The following MTHFD2L variants were observed in gnomAD, a reference collection of about 807,000 sequenced individuals.
The protein encoded by MTHFD2L is bifunctional methylenetetrahydrofolate dehydrogenase/cyclohydrolase 2, mitochondrial.
MTHFD2L carries 29 observed loss-of-function variants against 34.9 expected under a neutral mutation model. The observed-to-expected ratio is 0.83, with a 90% confidence interval of 0.62 to 1.13. MTHFD2L has a LOEUF of 1.13. Among genes scored for constraint, MTHFD2L ranks in the 50% most tolerant of loss-of-function variants. The probability of loss-of-function intolerance (pLI) is 0.00; values close to 1 mark genes in which losing one functional copy is unlikely to be tolerated. For missense variants in MTHFD2L, 481 were observed against 446.5 expected, an observed-to-expected ratio of 1.08 and a Z score of -0.70; for synonymous variants, 167 against 155.7, an observed-to-expected ratio of 1.07 and a Z score of -0.54.
In MTHFD2L at chr4:74,243,462, C is replaced by T. The variant is rs182740487; in HGVS notation, c.805+18068C>T. On this transcript the variant is annotated intron_variant, in intron 6 of 7. Transcript: ENST00000325278. ...ACCTATTTGAGGCAAAGTCTTGAAG[C>T]TTTCTTAAATCCACATTTCTGGACT... is the stretch of plus-strand genomic sequence containing the variant. Among the ~76,000 whole-genome samples the T allele has an allele frequency of 1.4e-3, 207 of 152,150 alleles. 1 individual carries two copies. Among genetic ancestry groups the T allele is most frequent in the African/African-American group, 4.8e-3 (198 of 41,514 alleles).
chr4:74,118,227 C>T (rs749173110), intron 2 of MTHFD2L, among the ~76,000 whole-genome samples: 1 of 152,108 alleles, frequency 6.6e-6, no homozygotes, highest in African/African-American at 2.4e-5. Flanking sequence ...TAAAAGTTTG[C>T]TTTTCTTGTC....
chr4:74,211,878 A>G (rs986678492), intron 5 of MTHFD2L, among the ~76,000 whole-genome samples: 5 of 151,642 alleles, frequency 3.3e-5, no homozygotes, highest in Non-Finnish European at 4.4e-5. Flanking sequence ...TTATTGGTCT[A>G]TTGAGGGATT....
chr4:74,131,048 TC>T (rs1308147646), intron 1 of MTHFD2L, among the ~76,000 whole-genome samples: 1 of 152,072 alleles, frequency 6.6e-6, no homozygotes, highest in Non-Finnish European at 1.5e-5. Context: ...GAAGGACCCT[TC>T]AAGAAGAACT....
intron 7 of MTHFD2L, chr4:74,293,662 C>A: frequency 4.5e-6 from 1 of 224,310 alleles, no homozygotes; most frequent in Non-Finnish European, 7.4e-6. Context: ...CCCTCTGCTC[C>A]CTGGTTCACC....
chr4:74,266,596 G>C (rs1050469335), intron 6 of MTHFD2L, among the ~76,000 whole-genome samples: 8 of 152,116 alleles, frequency 5.3e-5, no homozygotes, highest in African/African-American at 1.9e-4. Flanking sequence ...ACATCTCCCT[G>C]GGAACCTCTG....
At position 74,235,586 on chromosome 4, in the gene MTHFD2L, G is replaced by A. The variant is rs77337245; in HGVS notation, c.805+10192G>A. Reference sequence around the variant, plus strand: ...TAATTTTGGAAGTCATTAATATCAGGGATATTGGACACGAATTCATGGATA... The same window carrying A: ...TAATTTTGGAAGTCATTAATATCAGAGATATTGGACACGAATTCATGGATA... On this transcript the variant is annotated intron_variant, in intron 6 of 7. Transcript: ENST00000325278. Among the ~76,000 whole-genome samples, 84 of 152,176 alleles carry A rather than the reference G, an allele frequency of 5.5e-4. No homozygotes were observed. In the East Asian group the frequency reaches 6.8e-3, roughly 12 times the overall value.
chr4:74,150,949 A>G (rs562170998), intron 1 of MTHFD2L, among the ~76,000 whole-genome samples: 4 of 152,094 alleles, frequency 2.6e-5, no homozygotes, highest in Non-Finnish European at 4.4e-5. Context: ...AATAATCATT[A>G]TCCCATATTC....
chr4:74,125,981 T>C (rs1425926251), intron 1 of MTHFD2L, among the ~76,000 whole-genome samples: 1 of 152,202 alleles, frequency 6.6e-6, no homozygotes, highest in Non-Finnish European at 1.5e-5. Context: ...TCATCTGATC[T>C]GCACCACTTC....
intron 6 of MTHFD2L, among the ~76,000 whole-genome samples, chr4:74,246,488 T>A (rs990510815): frequency 1.3e-5 from 2 of 152,180 alleles, no homozygotes; most frequent in East Asian, 3.8e-4. Flanking sequence ...TTTAATTAGA[T>A]CCCATTTGTC....
chr4:74,152,255 G>A lies in MTHFD2L; in HGVS notation c.-296-7800G>A, dbSNP rs568160605. ...TCTCTATGATTTGGAAAGATTTTTA[G>A]TATGACTTATCATATTTTGAGGGCA... On this transcript the variant is annotated intron_variant, in intron 1 of 7. Transcript: ENST00000433372. 1.9e-3 allele frequency among the ~76,000 whole-genome samples: 284 copies of A among 151,986 alleles called. 1 individual carries two copies. Among genetic ancestry groups the A allele is most frequent in the South Asian group, 8.1e-3 (39 of 4,822 alleles).
intron 6 of MTHFD2L, among the ~76,000 whole-genome samples, chr4:74,272,260 C>T (rs1050470699): frequency 6.6e-6 from 1 of 152,156 alleles, no homozygotes; most frequent in African/African-American, 2.4e-5. Flanking sequence ...TATTTCTGTT[C>T]TAAGCCTGGA....
At chr4:74,233,599 A>G (rs1740410990) in intron 6 of MTHFD2L, among the ~76,000 whole-genome samples, 1 of 152,054 alleles carries the variant, frequency 6.6e-6, no homozygotes, top group Non-Finnish European at 1.5e-5. Flanking sequence ...AAAATATATG[A>G]AAATTTATTA....
At chr4:74,133,177 A>G (rs1479659480) in intron 1 of MTHFD2L, among the ~76,000 whole-genome samples, 1 of 152,170 alleles carries the variant, frequency 6.6e-6, no homozygotes, top group East Asian at 1.9e-4. Context: ...TCCATTGTGA[A>G]GTCTGTTGCC....
At chr4:74,143,278 A>G (rs1403769195) in intron 1 of MTHFD2L, 3 of 332,694 alleles carry the variant, frequency 9.0e-6, no homozygotes, top group Non-Finnish European at 1.3e-5. Context: ...CAGCCTTCAG[A>G]ACGATCTGGC....
chr4:74,245,959 G>A (rs1742378223), intron 6 of MTHFD2L, among the ~76,000 whole-genome samples: 1 of 148,948 alleles, frequency 6.7e-6, no homozygotes, highest in Admixed American at 6.7e-5. Context: ...TACCTTTATA[G>A]CAGCATGATT....
At chr4:74,202,187 G>T (rs1734558582) in intron 5 of MTHFD2L, among the ~76,000 whole-genome samples, 1 of 152,168 alleles carries the variant, frequency 6.6e-6, no homozygotes, top group South Asian at 2.1e-4. Context: ...ATTGACAAAG[G>T]CTTGGGTCAA....
chr4:74,297,429 C>G (rs1458657467), intron 7 of MTHFD2L, among the ~76,000 whole-genome samples: 1 of 151,990 alleles, frequency 6.6e-6, no homozygotes, highest in Non-Finnish European at 1.5e-5. Context: ...GATCTCATAC[C>G]TCATTCCCAT....
chr4:74,121,641 CATATATAATT>C (rs905550125), upstream of MTHFD2L, among the ~76,000 whole-genome samples: 250 of 139,378 alleles, frequency 1.8e-3, 1 homozygote, highest in African/African-American at 6.5e-3. Flanking sequence ...TTTAATTATA[CATATATAATT>C]ATATATAATT....
At chr4:74,300,072 T>G (rs1233336216) in intron 7 of MTHFD2L, among the ~76,000 whole-genome samples, 3 of 152,062 alleles carry the variant, frequency 2.0e-5, no homozygotes, top group African/African-American at 7.2e-5. Flanking sequence ...TGAATGGCTA[T>G]TGACCCATTC....
Sources: gnomAD v4.1 joint callset for allele counts (sites outside exome capture counted in the v4.1 genomes callset) on GRCh38, gnomAD v4.1.1 for gene constraint, MANE v1.5 for transcripts, NCBI Gene and HGNC (gene_info 2026-07-23, HGNC 2026-07-21) for gene names.